The following ANO3 variants were observed in gnomAD, a reference collection of about 807,000 sequenced individuals.
The protein encoded by ANO3 is anoctamin 3.
Under a neutral mutation model 144.8 loss-of-function variants are expected in ANO3, and 99 were observed. That is an observed-to-expected ratio of 0.68 (90% CI 0.58 to 0.81). The LOEUF (loss-of-function observed/expected upper bound fraction) is 0.81. Ranked by LOEUF, ANO3 falls within the 30% of genes least tolerant of loss-of-function variation. The pLI is 0.00. For missense variants in ANO3, 905 were observed against 1,202.2 expected (o/e 0.75, Z 3.66); for synonymous variants, 414 against 392.6 (o/e 1.05, Z -0.64).
intron 17 of ANO3, among the ~76,000 whole-genome samples, chr11:26,616,332 C>T (rs559514405): frequency 7.7e-4 from 117 of 151,986 alleles, no homozygotes; most frequent in Middle Eastern, 3.4e-3. Flanking sequence ...GCGATTTTTG[C>T]TATTGAAAAT....
chr11:26,657,596 T>C (rs1416733952), intron 26 of ANO3, among the ~76,000 whole-genome samples: 3 of 152,132 alleles, frequency 2.0e-5, no homozygotes, highest in African/African-American at 7.2e-5. Flanking sequence ...CTAATTCCAT[T>C]ACCCACCCAT....
At chr11:26,417,026 A>G (rs2133993030) in intron 1 of ANO3, among the ~76,000 whole-genome samples, 1 of 152,222 alleles carries the variant, frequency 6.6e-6, no homozygotes, top group African/African-American at 2.4e-5. Context: ...CCAAGAAAAA[A>G]TATACTAGAG....
intron 1 of ANO3, among the ~76,000 whole-genome samples, chr11:26,234,998 A>AGAGAGAGAGAGAGAGAG: frequency 2.4e-5 from 2 of 83,158 alleles, no homozygotes; most frequent in Non-Finnish European, 6.4e-5. Flanking sequence ...AGAGAGAGAA[A>AGAGAGAGAGAGAGAGAG]AGAAAGAGAG....
At chr11:26,232,856 T>C (rs1564927221) in intron 1 of ANO3, among the ~76,000 whole-genome samples, 2 of 152,018 alleles carry the variant, frequency 1.3e-5, no homozygotes, top group Non-Finnish European at 1.5e-5. Flanking sequence ...ACCTACAGAA[T>C]AGGAGAAAAT....
intron 1 of ANO3, among the ~76,000 whole-genome samples, chr11:26,246,750 T>C (rs2133816001): frequency 6.6e-6 from 1 of 152,104 alleles, no homozygotes; most frequent in Middle Eastern, 3.4e-3. Flanking sequence ...GGGGTGGGTT[T>C]TTCCTGTGCT....
At chr11:26,400,633 A>G (rs181690613) in intron 1 of ANO3, among the ~76,000 whole-genome samples, 62 of 151,978 alleles carry the variant, frequency 4.1e-4, no homozygotes, top group Non-Finnish European at 6.6e-4. Flanking sequence ...TTTCATTAAT[A>G]TGTTTGCATT....
In ANO3 at chr11:26,525,644, C is replaced by G. The variant is rs886037882; in HGVS notation, c.702C>G (p.Cys234Trp). ...TCTATTATTTTTTCAGGAAAAAATG[C>G]TATTACACTGACGGGAGGAGCAAAT... ...LNIRMPFRKK[C>W]YYTDGRSKSM... Residue 234 changes from cysteine to tryptophan, a missense_variant, in exon 7 of 27, where the codon TGC becomes TGG. Cys to Trp is a radical substitution (Grantham distance 215). This residue lies in a region of ANO3 where 71 missense variants were observed against 57.9 expected (regional missense o/e 1.23). Transcript: ENST00000256737. 6.2e-7 allele frequency: 1 copy of G among 1,610,038 alleles called. No homozygotes were observed. Among genetic ancestry groups the G allele is most frequent in the Non-Finnish European group, 8.5e-7 (1 of 1,178,166 alleles).
chr11:26,541,127 G>A (rs142607069), intron 10 of ANO3, among the ~76,000 whole-genome samples: 15,346 of 152,046 alleles, frequency 0.1, 938 homozygotes, highest in African/African-American at 0.16. Flanking sequence ...TAAAAAAGAT[G>A]AGTTCGTGTT....
chr11:26,508,460 TAAGTA>T, intron 5 of ANO3, 198 bp downstream of exon 5: 1 of 440,346 alleles, frequency 2.3e-6, no homozygotes. Context: ...CTGTACAATT[TAAGTA>T]TTTTCAAAGG....
At chr11:26,497,931 C>A (rs891916084) in intron 4 of ANO3, among the ~76,000 whole-genome samples, 1 of 151,838 alleles carries the variant, frequency 6.6e-6, no homozygotes, top group Non-Finnish European at 1.5e-5. Flanking sequence ...AAAGTCTTTT[C>A]TTTTGTATTT....
intron 1 of ANO3, among the ~76,000 whole-genome samples, chr11:26,416,453 A>T (rs1241926250): frequency 6.6e-6 from 1 of 151,298 alleles, no homozygotes; most frequent in Admixed American, 6.6e-5. Flanking sequence ...TTTGAGACAG[A>T]GTCTGGGTCT....
chr11:26,460,632 T>G (rs1859360449), intron 3 of ANO3, among the ~76,000 whole-genome samples: 3 of 152,034 alleles, frequency 2.0e-5, no homozygotes, highest in Admixed American at 1.3e-4. Flanking sequence ...CAAAATTGAT[T>G]TAGCTTTCCT....
chr11:26,537,181 G>A (rs1019508719), intron 9 of ANO3, among the ~76,000 whole-genome samples: 2 of 151,936 alleles, frequency 1.3e-5, no homozygotes, highest in East Asian at 3.9e-4. Context: ...AAAATCATGT[G>A]GCAACTTGCA....
At chr11:26,547,274 A>G in intron 11 of ANO3, 142 bp from the exon 12 acceptor site, 3 of 765,852 alleles carry the variant, frequency 3.9e-6, no homozygotes, top group South Asian at 3.5e-5. Flanking sequence ...AAGCAGGAGT[A>G]TTAGATACTT....
chr11:26,255,800 C>G (rs1361984138), intron 1 of ANO3, among the ~76,000 whole-genome samples: 1 of 152,130 alleles, frequency 6.6e-6, no homozygotes, highest in Non-Finnish European at 1.5e-5. Context: ...TCATGATGCT[C>G]TACAGTCTTA....
intron 1 of ANO3, among the ~76,000 whole-genome samples, chr11:26,320,497 T>G (rs925086614): frequency 6.6e-6 from 1 of 152,328 alleles, no homozygotes; most frequent in Non-Finnish European, 1.5e-5. Context: ...ATGAACAGAA[T>G]GTAGAAAGTA....
At chr11:26,561,140 G>A (rs754710758) in intron 14 of ANO3, 1 of 1,612,762 alleles carries the variant, frequency 6.2e-7, no homozygotes, top group Admixed American at 1.7e-5. Context: ...TTTCTGGCAT[G>A]GCTGAATCAT....
intron 1 of ANO3, among the ~76,000 whole-genome samples, chr11:26,428,413 A>G (rs899049029): frequency 1.3e-5 from 2 of 152,240 alleles, no homozygotes; most frequent in Non-Finnish European, 2.9e-5. Flanking sequence ...CAAAAAAGCA[A>G]TTGTTTACAA....
chr11:26,194,825 C>T lies in ANO3; in HGVS notation c.154+5495C>T, dbSNP rs1420419530. 4.6e-5 allele frequency among the ~76,000 whole-genome samples: 7 copies of T among 152,084 alleles called. 1 individual carries two copies. Among genetic ancestry groups the T allele is most frequent in the Admixed American group, 4.6e-4 (7 of 15,260 alleles). On this transcript the variant is annotated intron_variant, in intron 1 of 27. Transcript: ENST00000672621. Reference sequence around the variant, plus strand: ...AGGTGATCCACTAGCCTTGGCCTTGCAAAGTGCTGGGATTACAAGTGTGAG... The same window carrying T: ...AGGTGATCCACTAGCCTTGGCCTTGTAAAGTGCTGGGATTACAAGTGTGAG...
Sources: allele counts gnomAD v4.1 joint callset (sites outside exome capture counted in the v4.1 genomes callset), GRCh38; gene constraint gnomAD v4.1.1; regional missense constraint gnomAD v4.1.1; transcripts MANE v1.5; gene names NCBI Gene and HGNC (gene_info 2026-07-23, HGNC 2026-07-21).